The following NEK1 variants were observed in gnomAD, a reference collection of about 807,000 sequenced individuals.
NEK1 encodes NIMA related kinase 1.
A neutral mutation model predicts 182.1 loss-of-function variants in NEK1; 137 were observed. The ratio of observed to expected loss-of-function variants is 0.75; its 90% confidence interval spans 0.65 to 0.87. NEK1 has a LOEUF of 0.87. NEK1 is among the 40% of genes least tolerant of loss of function. NEK1 has a pLI of 0.00. For missense variants in NEK1, 1,391 were observed against 1,494.4 expected (o/e 0.93, Z 1.14); for synonymous variants, 513 against 492.2 (o/e 1.04, Z -0.56).
chr4:169,554,978 A>G (rs934228345), intron 18 of NEK1: 2 of 152,226 alleles, frequency 1.3e-5, no homozygotes, highest in Non-Finnish European at 2.9e-5. Context: ...AAAGTTTACT[A>G]ATTAAACAAT....
rs144561424 is a variant in NEK1, at chr4:169,422,170, G to A, written c.3222+2383C>T. ...GGTAACTGACTATCTGAACAGAGCC[G>A]CTTCAGTGGACGAGCAGGCTAAAAG... is the stretch of plus-strand genomic sequence containing the variant. On this transcript the variant is annotated intron_variant, in intron 31 of 35. Coordinates refer to ENST00000507142, the MANE Select transcript of NEK1 (RefSeq NM_001199397.3). Among the ~76,000 whole-genome samples, 47 of 152,304 alleles carry A rather than the reference G, an allele frequency of 3.1e-4. 1 individual carries two copies. Among genetic ancestry groups the A allele is most frequent in the Admixed American group, 2.6e-3 (40 of 15,296 alleles).
chr4:169,467,917 G>C (rs528810183), intron 26 of NEK1, among the ~76,000 whole-genome samples: 1 of 151,760 alleles, frequency 6.6e-6, no homozygotes, highest in African/African-American at 2.4e-5. Flanking sequence ...TTATTTTAAA[G>C]GATTAAAAAT....
chr4:169,493,316 C>T (rs984491750), intron 23 of NEK1, among the ~76,000 whole-genome samples: 2 of 151,984 alleles, frequency 1.3e-5, no homozygotes, highest in South Asian at 4.2e-4. Flanking sequence ...AACACAAATC[C>T]AAAAAAAGAA....
chr4:169,495,943 G>C (rs1751173201), intron 23 of NEK1, among the ~76,000 whole-genome samples: 1 of 152,180 alleles, frequency 6.6e-6, no homozygotes, highest in Non-Finnish European at 1.5e-5. Flanking sequence ...TGTGAAGAAA[G>C]TCATTGGTAG....
intron 23 of NEK1, among the ~76,000 whole-genome samples, chr4:169,482,727 C>T (rs986759395): frequency 1.3e-5 from 2 of 151,906 alleles, no homozygotes; most frequent in African/African-American, 4.8e-5. Context: ...CCGCCTCCCT[C>T]CTGGATTTAC....
At chr4:169,557,549 G>C (rs1243982587) in intron 16 of NEK1, among the ~76,000 whole-genome samples, 2 of 152,206 alleles carry the variant, frequency 1.3e-5, no homozygotes, top group East Asian at 3.9e-4. Flanking sequence ...TTCTGAGTGT[G>C]TGAAGTGATG....
rs572216402 is a variant in NEK1, at chr4:169,570,064, C to T, written c.1020+6864G>A. On this transcript the variant is annotated intron_variant, in intron 12 of 35. Coordinates refer to ENST00000507142, the MANE Select transcript of NEK1 (RefSeq NM_001199397.3). ...GAAGTGAGGAGCGCCTCTTCCCGGCCGCCATCCCATCTAGGAAGTGAGGAG... is the reference window on the plus strand; with the variant it reads ...GAAGTGAGGAGCGCCTCTTCCCGGCTGCCATCCCATCTAGGAAGTGAGGAG... Among the ~76,000 whole-genome samples the T allele has an allele frequency of 3.1e-4, 47 of 151,256 alleles. No individual in the cohort carries two copies. The East Asian group carries it at 7.5e-3, about 24-fold the overall frequency.
chr4:169,421,894 A>G (rs1735543932), intron 31 of NEK1, among the ~76,000 whole-genome samples: 1 of 152,212 alleles, frequency 6.6e-6, no homozygotes, highest in South Asian at 2.1e-4. Context: ...ACTATCAACC[A>G]ATTTGACTTT....
intron 10 of NEK1, 28 bp downstream of exon 10, chr4:169,585,321 G>A (rs748050541): frequency 6.4e-7 from 1 of 1,573,838 alleles, no homozygotes; most frequent in South Asian, 1.1e-5. Flanking sequence ...TAACCCTACT[G>A]TTTAATTTTA....
intron 2 of NEK1, among the ~76,000 whole-genome samples, chr4:169,608,141 A>G (rs942236083): frequency 6.6e-6 from 1 of 152,044 alleles, no homozygotes; most frequent in Non-Finnish European, 1.5e-5. Flanking sequence ...ACACACACAA[A>G]GAAGAAGAAG....
At chr4:169,444,668 G>T (rs190512500) in intron 27 of NEK1, among the ~76,000 whole-genome samples, 1 of 152,084 alleles carries the variant, frequency 6.6e-6, no homozygotes, top group Non-Finnish European at 1.5e-5. Context: ...GGACTTCAAC[G>T]CCCCATGGAC....
intron 23 of NEK1, among the ~76,000 whole-genome samples, chr4:169,497,547 T>A (rs1475411986): frequency 6.6e-6 from 1 of 152,244 alleles, no homozygotes; most frequent in Non-Finnish European, 1.5e-5. Flanking sequence ...CACTTAGTGC[T>A]ATAAATTTCC....
chr4:169,590,412 C>CACAG (rs1361137280), intron 6 of NEK1, among the ~76,000 whole-genome samples: 1 of 152,034 alleles, frequency 6.6e-6, no homozygotes, highest in Non-Finnish European at 1.5e-5. Context: ...GGCCAATCCA[C>CACAG]ACAGACAGAA....
intron 10 of NEK1, among the ~76,000 whole-genome samples, chr4:169,582,918 A>G (rs1766906289): frequency 6.6e-6 from 1 of 152,128 alleles, no homozygotes; most frequent in Non-Finnish European, 1.5e-5. Context: ...GACAGCCCCT[A>G]CATTCCTAAT....
intron 27 of NEK1, among the ~76,000 whole-genome samples, chr4:169,460,120 G>T (rs934782563): frequency 1.3e-5 from 2 of 152,008 alleles, no homozygotes; most frequent in African/African-American, 4.8e-5. Context: ...GTGTGTGTAT[G>T]GGGGAAGGGC....
intron 18 of NEK1, among the ~76,000 whole-genome samples, chr4:169,540,374 C>T (rs1759207590): frequency 6.6e-6 from 1 of 151,918 alleles, no homozygotes; most frequent in African/African-American, 2.4e-5. Flanking sequence ...TGTTTAAAAA[C>T]CTATAAAATC....
At chr4:169,462,370 C>T (rs184798289) in intron 27 of NEK1, among the ~76,000 whole-genome samples, 1 of 152,204 alleles carries the variant, frequency 6.6e-6, no homozygotes, top group East Asian at 1.9e-4. Context: ...AACATATACA[C>T]TTTTTGCCTT....
At chr4:169,555,644 G>A (rs1762054580) in intron 18 of NEK1, 76 bp downstream of exon 18, 2 of 1,556,762 alleles carry the variant, frequency 1.3e-6, no homozygotes, top group Non-Finnish European at 1.8e-6. Flanking sequence ...CATCCACAAA[G>A]TGTAGGTACT....
rs116786799 is a variant in NEK1, at chr4:169,449,100, G to C, written c.2588-10841C>G. Among the ~76,000 whole-genome samples the C allele has an allele frequency of 6.8e-3, 1,037 of 152,352 alleles. 7 individuals carry two copies. The highest frequency in any genetic ancestry group is 0.024 in the African/African-American group (986 of 41,580). ...ATCTGCCAGGCAGCAGCCTGACTCG[G>C]GGAGGGGCATCCGCCATTGCTGAGG... On this transcript the variant is annotated intron_variant, in intron 27 of 35. Transcript: ENST00000507142.
Sources: allele counts gnomAD v4.1 joint callset (sites outside exome capture counted in the v4.1 genomes callset), GRCh38; gene constraint gnomAD v4.1.1; transcripts MANE v1.5; gene names NCBI Gene and HGNC (gene_info 2026-07-23, HGNC 2026-07-21).